Variants in USP18 observed in about 807,000 individuals in gnomAD.
The protein encoded by USP18 is ubl carboxyl-terminal hydrolase 18.
Under a neutral mutation model 48.7 loss-of-function variants are expected in USP18, and 11 were observed. The ratio of observed to expected loss-of-function variants is 0.23; its 90% CI spans 0.14 to 0.37. The LOEUF (loss-of-function observed/expected upper bound fraction) is 0.37. USP18 is among the 10% of genes least tolerant of loss of function. The pLI is 1.00. For synonymous variants in USP18, 114 were observed against 163.2 expected (o/e 0.70, Z 2.30); for missense variants, 285 against 436.4 (o/e 0.65, Z 3.09).
intron 6 of USP18, 54 bp downstream of exon 6, chr22:18,168,090 G>C: frequency 1.2e-6 from 2 of 1,602,496 alleles, no homozygotes; most frequent in Non-Finnish European, 1.7e-6. Flanking sequence ...TCCATTTTCT[G>C]TTGTTATAAC....
chr22:18,164,810 G>T (rs2123735437), intron 4 of USP18, among the ~76,000 whole-genome samples: 1 of 152,158 alleles, frequency 6.6e-6, no homozygotes, highest in East Asian at 1.9e-4. Context: ...AGGTGACCCA[G>T]CAGCCAAGCC....
At chr22:18,152,458 C>CCA in intron 1 of USP18, among the ~76,000 whole-genome samples, 1 of 113,880 alleles carries the variant, frequency 8.8e-6, no homozygotes, top group East Asian at 2.2e-4. Context: ...AGAACGTGAA[C>CCA]CAAAAAAAAA....
intron 1 of USP18, among the ~76,000 whole-genome samples, chr22:18,151,537 CTG>C (rs939801209): frequency 6.6e-6 from 1 of 152,096 alleles, no homozygotes; most frequent in African/African-American, 2.4e-5. Flanking sequence ...TGCTTTTGGA[CTG>C]TTAAAAAATG....
intron 1 of USP18, among the ~76,000 whole-genome samples, chr22:18,155,107 C>T (rs1006162043): frequency 6.6e-6 from 1 of 152,274 alleles, no homozygotes; most frequent in African/African-American, 2.4e-5. Context: ...CACTGGGGCA[C>T]GCCCAAGACC....
rs1402937761 is a variant in USP18, at chr22:18,169,825, G to C, written c.628-19G>C. 1 of 1,565,850 alleles carries C rather than the reference G, an allele frequency of 6.4e-7. No individual in the cohort carries two copies. Among genetic ancestry groups the C allele is most frequent in the Non-Finnish European group, 8.7e-7 (1 of 1,154,002 alleles). On this transcript the variant is annotated intron_variant, in intron 6 of 10. Transcript: ENST00000215794. ...GAAATACCAACGCTGCTTTTTCCCT[G>C]TTCTCTTGGGTGGGACAGGAGGACG... is the stretch of plus-strand genomic sequence containing the variant.
intron 10 of USP18, among the ~76,000 whole-genome samples, chr22:18,174,384 C>T (rs533212964): frequency 1.3e-4 from 20 of 151,526 alleles, no homozygotes; most frequent in South Asian, 4.2e-4. Flanking sequence ...TGTGCCACCA[C>T]GCCCAGCTGA....
chr22:18,164,095 C>G (rs1050920667), intron 4 of USP18, among the ~76,000 whole-genome samples: 10 of 152,264 alleles, frequency 6.6e-5, no homozygotes, highest in African/African-American at 9.6e-5. Flanking sequence ...GCTGGCTGCT[C>G]TCTGCTTAGA....
intron 1 of USP18, among the ~76,000 whole-genome samples, chr22:18,154,500 G>A (rs998400941): frequency 1.3e-5 from 2 of 152,144 alleles, no homozygotes; most frequent in African/African-American, 4.8e-5. Context: ...AGGCTGGAGT[G>A]TAGTGGCACA....
At chr22:18,153,315 A>G (rs362131) in intron 1 of USP18, among the ~76,000 whole-genome samples, 41,723 of 151,762 alleles carry the variant, frequency 0.27, 7,327 homozygotes, top group East Asian at 0.67. Context: ...TGTAGTTCCA[A>G]CTATTTGGGA....
At chr22:18,151,710 A>G (rs1369005586) in intron 1 of USP18, among the ~76,000 whole-genome samples, 1 of 151,676 alleles carries the variant, frequency 6.6e-6, no homozygotes, top group Non-Finnish European at 1.5e-5. Flanking sequence ...GTGGTTTTTC[A>G]TCCAAAGTGT....
At chr22:18,151,914 C>T (rs1228297582) in intron 1 of USP18, among the ~76,000 whole-genome samples, 2 of 152,084 alleles carry the variant, frequency 1.3e-5, no homozygotes, top group African/African-American at 4.8e-5. Flanking sequence ...ATTAGCTGGG[C>T]GTGGCGGCAG....
intron 1 of USP18, among the ~76,000 whole-genome samples, chr22:18,154,151 A>G (rs1033786958): frequency 6.6e-6 from 1 of 151,082 alleles, no homozygotes; most frequent in Admixed American, 6.6e-5. Context: ...ACTGTTTTCC[A>G]TAATGGCTCT....
chr22:18,175,725 G>A (rs1430128760), intron 10 of USP18, among the ~76,000 whole-genome samples: 6 of 147,230 alleles, frequency 4.1e-5, no homozygotes, highest in Admixed American at 6.6e-5. Flanking sequence ...CTTTAATCCC[G>A]GCAATTTGGG....
At chr22:18,166,394 G>A (rs1426386492) in intron 4 of USP18, among the ~76,000 whole-genome samples, 18 of 151,936 alleles carry the variant, frequency 1.2e-4, no homozygotes, top group African/African-American at 1.7e-4. Flanking sequence ...ATATTATAAC[G>A]GCTAAAGTCT....
intron 8 of USP18, among the ~76,000 whole-genome samples, chr22:18,172,753 T>A (rs900225400): frequency 6.6e-6 from 1 of 150,874 alleles, no homozygotes. Context: ...CTGCCGCCCT[T>A]GCCCTCTGTC....
chr22:18,156,611 C>G (rs1237426187), intron 1 of USP18, among the ~76,000 whole-genome samples: 1 of 151,878 alleles, frequency 6.6e-6, no homozygotes, highest in African/African-American at 2.4e-5. Context: ...AAGCCAGCGA[C>G]ACCACGAACC....
chr22:18,173,957 C>T, intron 10 of USP18, 115 bp downstream of exon 10: 1 of 1,486,114 alleles, frequency 6.7e-7, no homozygotes, highest in Non-Finnish European at 9.2e-7. Flanking sequence ...CACTGTCCGC[C>T]TCATCTCCAG....
chr22:18,172,287 C>A (rs1404647955), intron 8 of USP18, among the ~76,000 whole-genome samples: 2 of 152,192 alleles, frequency 1.3e-5, no homozygotes, highest in Non-Finnish European at 2.9e-5. Context: ...AAGCAAATCC[C>A]AGACATCATA....
chr22:18,175,729 A>G (rs78946), intron 10 of USP18, among the ~76,000 whole-genome samples: 1 of 118,686 alleles, frequency 8.4e-6, no homozygotes, highest in African/African-American at 3.4e-5. Context: ...AATCCCGGCA[A>G]TTTGGGAGGC....
Sources: allele counts gnomAD v4.1 joint callset (sites outside exome capture counted in the v4.1 genomes callset), GRCh38; gene constraint gnomAD v4.1.1; transcripts MANE v1.5; gene names NCBI Gene and HGNC (gene_info 2026-07-23, HGNC 2026-07-21).